The following MYRIP variants were observed in gnomAD, a reference collection of about 807,000 sequenced individuals.
The protein encoded by MYRIP is rab effector MyRIP.
MYRIP carries 49 observed loss-of-function variants against 98.0 expected under a neutral mutation model. That is an observed-to-expected ratio of 0.50 (90% CI 0.40 to 0.63). The LOEUF (loss-of-function observed/expected upper bound fraction) is 0.63. Ranked by LOEUF, MYRIP falls within the 30% of genes least tolerant of loss-of-function variation. MYRIP has a pLI of 0.00. For missense variants in MYRIP, 1,004 were observed against 1,058.2 expected, an observed-to-expected ratio of 0.95 and a Z score of 0.71; for synonymous variants, 404 against 409.5, an observed-to-expected ratio of 0.99 and a Z score of 0.16.
intron 12 of MYRIP, among the ~76,000 whole-genome samples, chr3:40,241,716 G>A (rs976989665): frequency 1.3e-5 from 2 of 152,172 alleles, no homozygotes; most frequent in African/African-American, 4.8e-5. Flanking sequence ...CCAAGAGCCA[G>A]TGAATGCAAT....
chr3:39,967,266 C>T (rs1945465199), intron 2 of MYRIP, among the ~76,000 whole-genome samples: 1 of 152,054 alleles, frequency 6.6e-6, no homozygotes, highest in South Asian at 2.1e-4. Context: ...CAAGTAGATC[C>T]CAGTGTCTGT....
intron 2 of MYRIP, among the ~76,000 whole-genome samples, chr3:40,039,175 C>T (rs1336272504): frequency 6.6e-6 from 1 of 152,100 alleles, no homozygotes. Flanking sequence ...CTTCAATGAA[C>T]TGAAAAGAAG....
At chr3:40,096,445 G>A (rs1948837255) in intron 3 of MYRIP, among the ~76,000 whole-genome samples, 1 of 152,184 alleles carries the variant, frequency 6.6e-6, no homozygotes, top group Non-Finnish European at 1.5e-5. Context: ...TTAGCATATG[G>A]CAAAGGGAGC....
At chr3:39,949,740 A>G (rs1944968891) in intron 2 of MYRIP, among the ~76,000 whole-genome samples, 2 of 152,114 alleles carry the variant, frequency 1.3e-5, no homozygotes, top group Admixed American at 6.6e-5. Flanking sequence ...ATGGTTTGCT[A>G]TCATATTTGC....
intron 4 of MYRIP, among the ~76,000 whole-genome samples, chr3:40,153,852 T>C (rs1364945225): frequency 6.6e-6 from 1 of 152,056 alleles, no homozygotes; most frequent in Non-Finnish European, 1.5e-5. Context: ...ATAAAAACAC[T>C]CAATTCAGGC....
intron 2 of MYRIP, among the ~76,000 whole-genome samples, chr3:39,911,024 T>TA (rs970683333): frequency 3.9e-5 from 6 of 151,942 alleles, no homozygotes; most frequent in African/African-American, 7.3e-5. Context: ...TTACACAGTT[T>TA]AAAAAAAAGC....
intron 2 of MYRIP, among the ~76,000 whole-genome samples, chr3:39,981,051 T>G (rs570573743): frequency 2.0e-5 from 3 of 152,300 alleles, no homozygotes; most frequent in Admixed American, 6.5e-5. Context: ...AATTTTATGT[T>G]GTATATATTT....
At chr3:39,887,593 A>G (rs936904857) in intron 1 of MYRIP, among the ~76,000 whole-genome samples, 25 of 152,308 alleles carry the variant, frequency 1.6e-4, no homozygotes, top group Non-Finnish European at 3.1e-4. Context: ...CAAAAACTGG[A>G]AGCATTCCCT....
intron 2 of MYRIP, 66 bp downstream of exon 2, chr3:39,900,992 T>C: frequency 3.3e-6 from 4 of 1,211,084 alleles, no homozygotes; most frequent in Non-Finnish European, 4.8e-6. Context: ...ACAGGTTTCC[T>C]GAGGGTATTC....
At chr3:40,012,279 C>T (rs376062371) in intron 2 of MYRIP, among the ~76,000 whole-genome samples, 23 of 152,238 alleles carry the variant, frequency 1.5e-4, no homozygotes, top group South Asian at 4.2e-4. Flanking sequence ...TCCAGATAAC[C>T]GACTGGTGGC....
chr3:39,961,846 A>G (rs1422364674), intron 2 of MYRIP, among the ~76,000 whole-genome samples: 1 of 152,154 alleles, frequency 6.6e-6, no homozygotes, highest in Non-Finnish European at 1.5e-5. Flanking sequence ...AGGACCTTTA[A>G]GTCAACAAGT....
At chr3:40,017,693 C>CTTTTT (rs904657247) in intron 2 of MYRIP, among the ~76,000 whole-genome samples, 377 of 114,710 alleles carry the variant, frequency 3.3e-3, no homozygotes, top group African/African-American at 4.1e-3. Context: ...TAATTTACTT[C>CTTTTT]TTTTTTTTTT....
intron 2 of MYRIP, among the ~76,000 whole-genome samples, chr3:39,960,546 C>G (rs1945296908): frequency 6.6e-6 from 1 of 152,114 alleles, no homozygotes; most frequent in African/African-American, 2.4e-5. Context: ...AAACAGAACT[C>G]TAAAGAATTG....
chr3:39,947,893 A>G (rs143528930), intron 2 of MYRIP, among the ~76,000 whole-genome samples: 1 of 152,314 alleles, frequency 6.6e-6, no homozygotes, highest in East Asian at 1.9e-4. Flanking sequence ...TCTCTAAATC[A>G]GTGATTGTCA....
At chr3:40,201,673 A>C (rs141613117) in intron 10 of MYRIP, among the ~76,000 whole-genome samples, 78 of 152,224 alleles carry the variant, frequency 5.1e-4, no homozygotes, top group Middle Eastern at 3.4e-3. Flanking sequence ...AGGCAATAGG[A>C]AATGTATTAT....
intron 2 of MYRIP, among the ~76,000 whole-genome samples, chr3:39,972,655 T>A (rs1945616903): frequency 1.3e-5 from 2 of 152,076 alleles, no homozygotes; most frequent in Non-Finnish European, 2.9e-5. Flanking sequence ...ATGTTCTGAT[T>A]ATGCTTCGGC....
In MYRIP at chr3:39,973,891, A is replaced by T. The variant is rs568506102; in HGVS notation, c.111-70159A>T. Among the ~76,000 whole-genome samples, 4 of 152,350 alleles carry T rather than the reference A, an allele frequency of 2.6e-5. No homozygotes were observed. The South Asian group carries it at 6.2e-4, about 24-fold the overall frequency. On this transcript the variant is annotated intron_variant, in intron 2 of 16. Transcript: ENST00000302541. Reference sequence around the variant, plus strand: ...CAACGTACCAGAATCTCTGGGACGCATTCAAAGCAGTGTGTAGAGGGAAAT... The same window carrying T: ...CAACGTACCAGAATCTCTGGGACGCTTTCAAAGCAGTGTGTAGAGGGAAAT...
chr3:39,945,618 T>C (rs1944884741), intron 2 of MYRIP, among the ~76,000 whole-genome samples: 2 of 152,032 alleles, frequency 1.3e-5, no homozygotes, highest in African/African-American at 4.8e-5. Flanking sequence ...TGCCTTCCAG[T>C]CTGTAACCCA....
At chr3:40,042,288 TA>T (rs66600615) in intron 2 of MYRIP, among the ~76,000 whole-genome samples, 2,599 of 112,514 alleles carry the variant, frequency 0.023, 27 homozygotes, top group African/African-American at 0.042. Flanking sequence ...ACTGGAAGGA[TA>T]AAAAAAAAAA....
Sources: gnomAD v4.1 joint callset for allele counts (sites outside exome capture counted in the v4.1 genomes callset) on GRCh38, gnomAD v4.1.1 for gene constraint, MANE v1.5 for transcripts, NCBI Gene and HGNC (gene_info 2026-07-23, HGNC 2026-07-21) for gene names.